Variants in WWOX observed in about 807,000 individuals in gnomAD.
The protein encoded by WWOX is WW domain-containing oxidoreductase.
Under a neutral mutation model 46.2 loss-of-function variants are expected in WWOX, and 69 were observed. That is an observed-to-expected ratio of 1.49 (90% CI 1.23 to 1.82). WWOX has a LOEUF of 1.82. Among genes scored for constraint, WWOX ranks in the 40% most tolerant of loss-of-function variants. WWOX has a pLI of 0.00. For synonymous variants in WWOX, 359 were observed against 202.6 expected (o/e 1.77, Z -6.56); for missense variants, 919 against 542.6 (o/e 1.69, Z -6.89).
In WWOX at chr16:78,879,745, C is replaced by T. The variant is rs1254817815; in HGVS notation, c.1057-331863C>T. Among the ~76,000 whole-genome samples the T allele has an allele frequency of 5.9e-5, 9 of 152,008 alleles. No individual in the cohort carries two copies. The East Asian group carries it at 1.7e-3, about 29-fold the overall frequency. On this transcript the variant is annotated intron_variant, in intron 8 of 8. Transcript: ENST00000566780. Reference sequence around the variant, plus strand: ...ATACAAAATTAGCCAGGCATGGTGGCACATGCCTGTAATCCCAGCTACTTG... The same window carrying T: ...ATACAAAATTAGCCAGGCATGGTGGTACATGCCTGTAATCCCAGCTACTTG...
chr16:78,736,562 C>G lies in WWOX; in HGVS notation c.1056+303810C>G, dbSNP rs1226463282. Among the ~76,000 whole-genome samples, 6 of 151,176 alleles carry G rather than the reference C, an allele frequency of 4.0e-5. No individual in the cohort carries two copies. The East Asian group carries it at 9.7e-4, about 24-fold the overall frequency. On this transcript the variant is annotated intron_variant, in intron 8 of 8. Coordinates refer to ENST00000566780, the MANE Select transcript of WWOX (RefSeq NM_016373.4). Reference sequence around the variant, plus strand: ...TGGCACACAATGTTTTCCTTTTCTTCTCTTCTCTTTCTTTCTTGTTTTGTT... The same window carrying G: ...TGGCACACAATGTTTTCCTTTTCTTGTCTTCTCTTTCTTTCTTGTTTTGTT...
At chr16:78,967,611 A>T (rs76619432) in intron 8 of WWOX, among the ~76,000 whole-genome samples, 5,762 of 151,590 alleles carry the variant, frequency 0.038, 370 homozygotes, top group African/African-American at 0.13. Context: ...AATACCCCCT[A>T]TGTAGACTTT....
intron 5 of WWOX, among the ~76,000 whole-genome samples, chr16:78,352,043 C>G (rs1321488272): frequency 6.6e-6 from 1 of 152,120 alleles, no homozygotes; most frequent in African/African-American, 2.4e-5. Context: ...GCTTTGGAGT[C>G]AGCGAGACAG....
intron 5 of WWOX, among the ~76,000 whole-genome samples, chr16:78,211,474 A>G (rs1471368512): frequency 6.6e-6 from 1 of 152,098 alleles, no homozygotes; most frequent in Non-Finnish European, 1.5e-5. Context: ...AGTGCAAGAG[A>G]GAGCGATCAC....
rs145690412 is a variant in WWOX at position 78,634,173 on chromosome 16, C to T, written c.1056+201421C>T. Among the ~76,000 whole-genome samples, 1,080 of 152,168 alleles carry T rather than the reference C, an allele frequency of 7.1e-3. 13 individuals carry two copies. Among genetic ancestry groups the T allele is most frequent in the Non-Finnish European group, 7.9e-3 (536 of 68,018 alleles). ...ATAAAAATTTTTAGCATTAGAGATT[C>T]GCTTTTTTGTGTCTAAATACAAATG... On this transcript the variant is annotated intron_variant, in intron 8 of 8. Transcript: ENST00000566780.
At chr16:79,016,913 TG>T (rs2047425354) in intron 8 of WWOX, 2 of 152,190 alleles carry the variant, frequency 1.3e-5, no homozygotes, top group South Asian at 4.1e-4. Context: ...AAATAGGACC[TG>T]GGGTCGAACT....
At chr16:78,322,339 A>G (rs1215034849) in intron 5 of WWOX, among the ~76,000 whole-genome samples, 5 of 152,284 alleles carry the variant, frequency 3.3e-5, no homozygotes, top group African/African-American at 1.2e-4. Context: ...TTTGTAATGT[A>G]ATGCATTGTT....
intron 8 of WWOX, among the ~76,000 whole-genome samples, chr16:78,509,807 A>G (rs1290195956): frequency 1.3e-5 from 2 of 152,114 alleles, no homozygotes; most frequent in African/African-American, 4.8e-5. Context: ...ATAGTATAAA[A>G]AATTGAGGAA....
At chr16:78,108,952 C>T (rs978180811) in intron 2 of WWOX, among the ~76,000 whole-genome samples, 5 of 152,200 alleles carry the variant, frequency 3.3e-5, no homozygotes, top group South Asian at 2.1e-4. Context: ...CACACCACTG[C>T]GCTCCAGCCT....
chr16:79,123,806 A>G (rs1026840582), intron 8 of WWOX, among the ~76,000 whole-genome samples: 1 of 152,194 alleles, frequency 6.6e-6, no homozygotes, highest in African/African-American at 2.4e-5. Flanking sequence ...TCCCAGGACA[A>G]TTCATATCCC....
intron 5 of WWOX, among the ~76,000 whole-genome samples, chr16:78,277,638 C>T (rs2079603831): frequency 6.6e-6 from 1 of 152,154 alleles, no homozygotes; most frequent in Non-Finnish European, 1.5e-5. Flanking sequence ...TAGTTCTCTG[C>T]AAAGACAGGC....
At chr16:79,099,572 GC>G in intron 8 of WWOX, among the ~76,000 whole-genome samples, 1 of 147,418 alleles carries the variant, frequency 6.8e-6, no homozygotes. Flanking sequence ...GATTGTGTGT[GC>G]GTGTGTGTGT....
chr16:79,142,770 T>G (rs957650421), intron 8 of WWOX, among the ~76,000 whole-genome samples: 5 of 152,160 alleles, frequency 3.3e-5, no homozygotes, highest in African/African-American at 1.2e-4. Flanking sequence ...ACCATTATGG[T>G]TTACTGCAGC....
At chr16:78,216,391 T>A (rs1453652121) in intron 5 of WWOX, among the ~76,000 whole-genome samples, 1 of 152,220 alleles carries the variant, frequency 6.6e-6, no homozygotes, top group African/African-American at 2.4e-5. Flanking sequence ...TGTAACACAT[T>A]ATCACCAGTG....
At chr16:79,132,721 C>T (rs1450665885) in intron 8 of WWOX, among the ~76,000 whole-genome samples, 1 of 152,128 alleles carries the variant, frequency 6.6e-6, no homozygotes, top group East Asian at 1.9e-4. Flanking sequence ...CTCTGGCATA[C>T]TTTAAAAAAG....
At chr16:78,982,309 A>G (rs1165324162) in intron 8 of WWOX, among the ~76,000 whole-genome samples, 1 of 152,180 alleles carries the variant, frequency 6.6e-6, no homozygotes, top group African/African-American at 2.4e-5. Context: ...ATTTTGAGCA[A>G]TCATCTGGGG....
intron 1 of WWOX, among the ~76,000 whole-genome samples, chr16:78,107,006 G>A (rs889426105): frequency 2.6e-5 from 4 of 152,188 alleles, no homozygotes; most frequent in South Asian, 2.1e-4. Context: ...CAGACCAGAA[G>A]CCAGCAGTTC....
chr16:78,699,498 C>T (rs183638075), intron 8 of WWOX, among the ~76,000 whole-genome samples: 320 of 152,268 alleles, frequency 2.1e-3, no homozygotes, highest in African/African-American at 7.0e-3. Context: ...GAGATCGTGC[C>T]ACTGTACTCC....
At chr16:78,316,206 A>G (rs2080353557) in intron 5 of WWOX, among the ~76,000 whole-genome samples, 1 of 152,068 alleles carries the variant, frequency 6.6e-6, no homozygotes, top group South Asian at 2.1e-4. Flanking sequence ...AGACCATGCT[A>G]GTGTACTCCA....
Sources: allele counts gnomAD v4.1 joint callset (sites outside exome capture counted in the v4.1 genomes callset), GRCh38; gene constraint gnomAD v4.1.1; transcripts MANE v1.5; gene names NCBI Gene and HGNC (gene_info 2026-07-23, HGNC 2026-07-21).